Variants in DACH2 observed in about 807,000 individuals in gnomAD.
The protein encoded by DACH2 is dachshund homolog 2.
DACH2 carries 17 observed loss-of-function variants against 35.8 expected under a neutral mutation model. The observed-to-expected ratio is 0.48, with a 90% CI of 0.33 to 0.71. DACH2 has a LOEUF of 0.71. Ranked by LOEUF, DACH2 falls within the 30% of genes least tolerant of loss-of-function variation. DACH2 has a pLI of 0.02. For synonymous variants in DACH2, 195 were observed against 177.3 expected (o/e 1.10, Z -0.79); for missense variants, 469 against 472.7 (o/e 0.99, Z 0.07).
chrX:86,440,651 T>C (rs1204454291), intron 2 of DACH2, among the ~76,000 whole-genome samples: 5 of 111,630 alleles, frequency 4.5e-5, no homozygotes, highest in Non-Finnish European at 9.4e-5. Flanking sequence ...TAATTCATTG[T>C]CCTTGTTCTT....
intron 1 of DACH2, among the ~76,000 whole-genome samples, chrX:86,164,563 T>C (rs1172327676): frequency 8.9e-6 from 1 of 111,789 alleles, no homozygotes; most frequent in East Asian, 2.8e-4. Flanking sequence ...TTTAATAGTT[T>C]TGGGTTTTCC....
chrX:86,411,209 G>C (rs1205405585), intron 2 of DACH2, among the ~76,000 whole-genome samples: 6 of 105,836 alleles, frequency 5.7e-5, no homozygotes. Flanking sequence ...ATGGAAGAAA[G>C]ATGTAGGCTG....
intron 4 of DACH2, among the ~76,000 whole-genome samples, chrX:86,671,529 T>C (rs2040764532): frequency 9.0e-6 from 1 of 111,117 alleles, no homozygotes; most frequent in African/African-American, 3.3e-5. Flanking sequence ...TTGAAAAGTG[T>C]GCAGCACCTC....
chrX:86,244,849 A>T (rs184132661), intron 1 of DACH2, among the ~76,000 whole-genome samples: 1 of 112,433 alleles, frequency 8.9e-6, no homozygotes, highest in Non-Finnish European at 1.9e-5. Flanking sequence ...GCCACTAAAA[A>T]TTATTATAGA....
intron 6 of DACH2, among the ~76,000 whole-genome samples, chrX:86,722,283 G>A (rs996130526): frequency 1.8e-5 from 2 of 111,718 alleles, no homozygotes; most frequent in Non-Finnish European, 3.8e-5. Context: ...TTTTCTGCAT[G>A]TGTTGAGATG....
intron 1 of DACH2, among the ~76,000 whole-genome samples, chrX:86,318,996 A>C: frequency 8.9e-6 from 1 of 112,329 alleles, no homozygotes; most frequent in Non-Finnish European, 1.9e-5. Context: ...ATTTGCTATT[A>C]ATGTTAAACC....
intron 2 of DACH2, among the ~76,000 whole-genome samples, chrX:86,382,235 G>T (rs1156039): frequency 0.024 from 2,586 of 109,067 alleles, 73 homozygotes; most frequent in East Asian, 0.2. Flanking sequence ...AAGGGGGTAA[G>T]TAATTAGATT....
chrX:86,160,137 C>T (rs1417113007), intron 1 of DACH2: 6 of 635,962 alleles, frequency 9.4e-6, no homozygotes, highest in Non-Finnish European at 1.4e-5. Flanking sequence ...CAGTCTTTTA[C>T]TATTAAACTT....
At chrX:86,196,435 G>C (rs2031985179) in intron 1 of DACH2, among the ~76,000 whole-genome samples, 1 of 110,334 alleles carries the variant, frequency 9.1e-6, no homozygotes, top group Non-Finnish European at 1.9e-5. Flanking sequence ...GCTCACACCT[G>C]TAATCCCAGC....
At chrX:86,259,549 T>C (rs939747875) in intron 1 of DACH2, among the ~76,000 whole-genome samples, 2 of 111,543 alleles carry the variant, frequency 1.8e-5, no homozygotes, top group Non-Finnish European at 3.8e-5. Context: ...GGAAACACAA[T>C]GATTCATTAC....
intron 2 of DACH2, among the ~76,000 whole-genome samples, chrX:86,436,366 GTA>G (rs59478677): frequency 0.27 from 22,484 of 83,584 alleles, 2,480 homozygotes; most frequent in African/African-American, 0.48. Context: ...GGTGATATAT[GTA>G]TATATATATA....
intron 1 of DACH2, among the ~76,000 whole-genome samples, chrX:86,303,520 C>T (rs1379961109): frequency 1.2e-4 from 13 of 110,339 alleles, no homozygotes; most frequent in Non-Finnish European, 2.5e-4. Context: ...AATGTTCAAT[C>T]AGAGGATGGA....
intron 3 of DACH2, among the ~76,000 whole-genome samples, chrX:86,625,209 A>AGTGTGTGT (rs72281959): frequency 4.7e-4 from 40 of 85,507 alleles, no homozygotes; most frequent in Middle Eastern, 6.5e-3. Context: ...AAACCTTCTT[A>AGTGTGTGT]GTGTGTGTGT....
intron 2 of DACH2, among the ~76,000 whole-genome samples, chrX:86,378,192 A>G (rs1238987071): frequency 1.8e-5 from 2 of 110,575 alleles, no homozygotes; most frequent in African/African-American, 6.5e-5. Flanking sequence ...GCAGTAATTT[A>G]TAACTATATA....
At chrX:86,396,948 G>A (rs1489838137) in intron 2 of DACH2, among the ~76,000 whole-genome samples, 5 of 111,019 alleles carry the variant, frequency 4.5e-5, no homozygotes, top group Admixed American at 9.6e-5. Context: ...TAGCTTGATG[G>A]GGATGGCATT....
At chrX:86,754,715 A>G (rs1463179937) in intron 7 of DACH2, among the ~76,000 whole-genome samples, 3 of 111,620 alleles carry the variant, frequency 2.7e-5, no homozygotes, top group African/African-American at 9.8e-5. Flanking sequence ...CACTAAACAT[A>G]GTTACCTCCA....
intron 1 of DACH2, among the ~76,000 whole-genome samples, chrX:86,197,618 A>G (rs1465550829): frequency 9.0e-6 from 1 of 111,383 alleles, no homozygotes; most frequent in Admixed American, 9.6e-5. Flanking sequence ...TCTAATCCTA[A>G]TTTCAGACAA....
At chrX:86,510,280 G>A (rs887664986) in intron 2 of DACH2, among the ~76,000 whole-genome samples, 2 of 111,917 alleles carry the variant, frequency 1.8e-5, no homozygotes, top group Admixed American at 1.9e-4. Flanking sequence ...CTTAATGAAT[G>A]ATGTATGAGC....
At position 86,635,328 on chromosome X, in the gene DACH2, TAAAAA is replaced by T. The variant is rs77223425; in HGVS notation, c.641-15693_641-15689del. Among the ~76,000 whole-genome samples, 178 of 86,188 alleles carry T rather than the reference TAAAAA, an allele frequency of 2.1e-3. 2 individuals carry two copies. Among genetic ancestry groups the T allele is most frequent in the Admixed American group, 0.018 (130 of 7,321 alleles). The allele number at this position is 86,188 out of a possible 115,157, so 74.8% of individuals were successfully genotyped here. ...GATAAAATTTAACACTCCATAGTGT[TAAAAA>T]AAAAAAAAAAAAAACCTCTCAAACT... On this transcript the variant is annotated intron_variant, in intron 3 of 11. Coordinates refer to ENST00000373125, the MANE Select transcript of DACH2 (RefSeq NM_053281.3).
Sources: gnomAD v4.1 joint callset for allele counts (sites outside exome capture counted in the v4.1 genomes callset) on GRCh38, gnomAD v4.1.1 for gene constraint, MANE v1.5 for transcripts, NCBI Gene and HGNC (gene_info 2026-07-23, HGNC 2026-07-21) for gene names.